The following DOCK1 variants were observed in gnomAD, a reference collection of about 807,000 sequenced individuals.
DOCK1 encodes the protein dedicator of cytokinesis 1, also known as dedicator of cytokinesis protein 1.
Under a neutral mutation model 262.7 loss-of-function variants are expected in DOCK1, and 138 were observed. That is an observed-to-expected ratio of 0.53 (90% confidence interval 0.46 to 0.61). DOCK1 has a LOEUF of 0.61. Ranked by LOEUF, DOCK1 falls within the 20% of genes least tolerant of loss-of-function variation. The pLI, the probability that DOCK1 is intolerant of heterozygous loss-of-function variation, is 0.00. For synonymous variants in DOCK1, 866 were observed against 867.4 expected (o/e 1.00, Z 0.03); for missense variants, 1,908 against 2,370.7 (o/e 0.80, Z 4.05).
intron 1 of DOCK1, among the ~76,000 whole-genome samples, chr10:126,906,145 A>C (rs1359570757): frequency 6.6e-6 from 1 of 152,082 alleles, no homozygotes; most frequent in Non-Finnish European, 1.5e-5. Context: ...GGGACCTTGG[A>C]GAGAAGGCGA....
chr10:127,315,374 T>C (rs1054698134), intron 29 of DOCK1, among the ~76,000 whole-genome samples: 1 of 152,184 alleles, frequency 6.6e-6, no homozygotes, highest in African/African-American at 2.4e-5. Context: ...CATTAAGATA[T>C]GGCCTCATCC....
At chr10:127,431,343 T>G (rs1017539823) in intron 47 of DOCK1, among the ~76,000 whole-genome samples, 2 of 152,212 alleles carry the variant, frequency 1.3e-5, no homozygotes, top group Admixed American at 6.5e-5. Context: ...AAACCCATGG[T>G]CGCACCCAGG....
intron 47 of DOCK1, among the ~76,000 whole-genome samples, chr10:127,430,662 G>T (rs1296502673): frequency 6.6e-6 from 1 of 151,334 alleles, no homozygotes; most frequent in Non-Finnish European, 1.5e-5. Flanking sequence ...ACCCTCTGTG[G>T]ATTTCCAGGC....
chr10:127,433,494 C>T (rs2069445541), intron 48 of DOCK1, 66 bp downstream of exon 48: 7 of 1,543,812 alleles, frequency 4.5e-6, no homozygotes, highest in Non-Finnish European at 6.1e-6. Context: ...AAGGAGCCAC[C>T]CAGGGCTCTG....
At chr10:127,067,015 A>G (rs567643287) in intron 23 of DOCK1, among the ~76,000 whole-genome samples, 13 of 152,266 alleles carry the variant, frequency 8.5e-5, no homozygotes, top group South Asian at 4.1e-4. Flanking sequence ...ATCCACATCA[A>G]TGGAGAACAG....
intron 13 of DOCK1, among the ~76,000 whole-genome samples, chr10:127,021,140 G>A (rs1405423553): frequency 7.2e-5 from 11 of 152,194 alleles, no homozygotes; most frequent in Admixed American, 7.2e-4. Flanking sequence ...TTACTTCTGT[G>A]CTGGCCCTGG....
Position 126,996,838 on chromosome 10 carries a change from T to C in DOCK1, c.564T>C (p.His188=), listed in dbSNP as rs1188085210. The change falls in exon 7 of 52, where the codon CAT becomes CAC. Residue 188 remains histidine (H), a synonymous_variant. Transcript: ENST00000623213. Reference sequence around the variant, plus strand: ...GCACGATTAGTCTCTTCAGAGCTCATGAAATAGCTTCTAAACAAGTGGAGG... The same window carrying C: ...GCACGATTAGTCTCTTCAGAGCTCACGAAATAGCTTCTAAACAAGTGGAGG... The part of the protein sequence containing the change: ...LTSTISLFRA[H]EIASKQVEER... 2 of 1,611,522 alleles carry C rather than the reference T, an allele frequency of 1.2e-6. No homozygotes were observed. The highest frequency in any genetic ancestry group is 1.7e-6 in the Non-Finnish European group (2 of 1,179,118).
intron 27 of DOCK1, among the ~76,000 whole-genome samples, chr10:127,171,308 T>C (rs1228313662): frequency 6.6e-6 from 1 of 152,218 alleles, no homozygotes; most frequent in African/African-American, 2.4e-5. Flanking sequence ...AGGGAAGCAC[T>C]TGCCTGACAA....
chr10:126,908,710 T>A (rs1162844643), intron 1 of DOCK1, among the ~76,000 whole-genome samples: 1 of 152,194 alleles, frequency 6.6e-6, no homozygotes, highest in Non-Finnish European at 1.5e-5. Context: ...CGTTTCCCCC[T>A]TGGTTTTGAG....
chr10:127,207,361 T>TG lies in DOCK1; in HGVS notation c.2848-40641dup, dbSNP rs532416765. 3.5e-4 allele frequency among the ~76,000 whole-genome samples: 54 copies of TG among 152,240 alleles called. No homozygotes were observed. In the East Asian group the frequency reaches 9.9e-3, roughly 28 times the overall value. On this transcript the variant is annotated intron_variant, in intron 27 of 51. Coordinates refer to ENST00000623213, the MANE Select transcript of DOCK1 (RefSeq NM_001290223.2). ...TTATGTAGAAAGCTTACAAGGAAGT[T>TG]GGGGGGTGATTAGGAATTGTCTCCA...
chr10:127,275,800 C>T (rs576676673), intron 29 of DOCK1, among the ~76,000 whole-genome samples: 1 of 152,234 alleles, frequency 6.6e-6, no homozygotes, highest in African/African-American at 2.4e-5. Flanking sequence ...ACCCATGTGA[C>T]TTCTGCTTTC....
chr10:126,909,004 C>G (rs1172483553), intron 1 of DOCK1, among the ~76,000 whole-genome samples: 1 of 152,208 alleles, frequency 6.6e-6, no homozygotes, highest in African/African-American at 2.4e-5. Context: ...AATCCCCAGA[C>G]TCTGTGAATT....
At chr10:126,949,235 G>A (rs2035950628) in intron 1 of DOCK1, among the ~76,000 whole-genome samples, 1 of 152,134 alleles carries the variant, frequency 6.6e-6, no homozygotes. Flanking sequence ...AACACACCCA[G>A]CTCCTGCTCT....
chr10:126,930,145 G>A (rs959816682), intron 1 of DOCK1, among the ~76,000 whole-genome samples: 5 of 152,178 alleles, frequency 3.3e-5, no homozygotes, highest in Admixed American at 2.0e-4. Context: ...ATTCCTTTCT[G>A]TGGTGGAATA....
chr10:127,009,485 T>C (rs1480975331), intron 11 of DOCK1, among the ~76,000 whole-genome samples: 1 of 152,106 alleles, frequency 6.6e-6, no homozygotes, highest in Non-Finnish European at 1.5e-5. Context: ...ATGATGGTCG[T>C]TGGCCACTTA....
intron 25 of DOCK1, among the ~76,000 whole-genome samples, chr10:127,123,984 G>A (rs1053459248): frequency 3.3e-5 from 5 of 152,334 alleles, no homozygotes; most frequent in Admixed American, 1.3e-4. Context: ...AAATGGAGTT[G>A]CTCTCACTCC....
At chr10:126,954,911 G>T (rs1011363339) in intron 1 of DOCK1, among the ~76,000 whole-genome samples, 5 of 152,112 alleles carry the variant, frequency 3.3e-5, no homozygotes, top group Admixed American at 1.3e-4. Context: ...TTCTGTTCAA[G>T]TCCCCGCTTT....
intron 27 of DOCK1, among the ~76,000 whole-genome samples, chr10:127,168,179 C>A (rs1037698713): frequency 6.6e-6 from 1 of 152,190 alleles, no homozygotes; most frequent in Non-Finnish European, 1.5e-5. Flanking sequence ...CCACCCTATC[C>A]CTCTCCTGAA....
At chr10:127,173,299 A>G (rs529404480) in intron 27 of DOCK1, among the ~76,000 whole-genome samples, 15 of 152,150 alleles carry the variant, frequency 9.9e-5, no homozygotes, top group Non-Finnish European at 1.9e-4. Context: ...AGGCACAGAG[A>G]CATACAGCCC....
Sources: allele counts gnomAD v4.1 joint callset (sites outside exome capture counted in the v4.1 genomes callset), GRCh38; gene constraint gnomAD v4.1.1; transcripts MANE v1.5; gene names NCBI Gene and HGNC (gene_info 2026-07-23, HGNC 2026-07-21).